The following SLC41A3 variants were observed in gnomAD, a reference collection of about 807,000 sequenced individuals.
SLC41A3 encodes the protein SLC41A1-like 2.
Under a neutral mutation model 45.4 loss-of-function variants are expected in SLC41A3, and 44 were observed. The observed-to-expected ratio is 0.97, with a 90% CI of 0.76 to 1.25. SLC41A3 has a LOEUF of 1.25. SLC41A3 is among the 50% of genes most tolerant of loss of function. SLC41A3 has a pLI of 0.00. For synonymous variants in SLC41A3, 256 were observed against 252.4 expected, an observed-to-expected ratio of 1.01 and a Z score of -0.13; for missense variants, 550 against 600.6, an observed-to-expected ratio of 0.92 and a Z score of 0.88.
At chr3:126,086,498 CTGTGTGTGTGTG>C (rs57609698), upstream of SLC41A3, among the ~76,000 whole-genome samples, 13 of 133,194 alleles carry the variant, frequency 9.8e-5, no homozygotes, top group Admixed American at 4.8e-4. Context: ...GCTATAGGAT[CTGTGTGTGTGTG>C]TGTGTGTGTG....
intron 6 of SLC41A3, 100 bp from the exon 7 acceptor site, chr3:126,016,975 T>C (rs1940364410): frequency 7.1e-7 from 1 of 1,415,024 alleles, no homozygotes. Context: ...AGGACGCTCC[T>C]GTCCTCATCA....
intron 2 of SLC41A3, among the ~76,000 whole-genome samples, chr3:126,059,311 G>GAAAAGAAAGAAAGA (rs1576331873): frequency 5.2e-4 from 42 of 81,164 alleles, no homozygotes; most frequent in Non-Finnish European, 8.3e-4. Flanking sequence ...AGAAAGAAAG[G>GAAAAGAAAGAAAGA]AAGGATGATC....
In SLC41A3 at chr3:126,050,715, A is replaced by G. The variant is rs78732280; in HGVS notation, c.381+228T>C. Among the ~76,000 whole-genome samples, 49 of 72,810 alleles carry G rather than the reference A, an allele frequency of 6.7e-4. No individual in the cohort carries two copies. The South Asian group carries it at 0.02, about 30-fold the overall frequency. The allele number at this position is 72,810 out of a possible 152,430, so 47.8% of individuals were successfully genotyped here. On this transcript the variant is annotated intron_variant, in intron 3 of 10. Coordinates refer to ENST00000360370, the MANE Select transcript of SLC41A3 (RefSeq NM_017836.4). ...CTGACATTTAGGTCAAAGGAGGAAC[A>G]GGGGCAAACAGGGTTGTGCACATCC... is the stretch of plus-strand genomic sequence containing the variant.
chr3:126,075,468 C>G (rs1944838103), intron 1 of SLC41A3, among the ~76,000 whole-genome samples: 1 of 143,094 alleles, frequency 7.0e-6, no homozygotes, highest in Admixed American at 6.9e-5. Context: ...CTCCCTCCCT[C>G]CCTTCCTTCT....
rs115325024 is a variant in SLC41A3 at position 126,058,939 on chromosome 3, C to T, written c.274-7889G>A. 7.8e-3 allele frequency among the ~76,000 whole-genome samples: 1,184 copies of T among 152,220 alleles called. 10 individuals are homozygous for T. Among genetic ancestry groups the T allele is most frequent in the Non-Finnish European group, 0.012 (810 of 68,014 alleles). On this transcript the variant is annotated intron_variant, in intron 2 of 10. Transcript: ENST00000360370. ...GGCCAGCTGAGGCACCTCCTCTCAGCCAGAGCCTAACAGCTCTTTCCCCAG... is the reference window on the plus strand; with the variant it reads ...GGCCAGCTGAGGCACCTCCTCTCAGTCAGAGCCTAACAGCTCTTTCCCCAG...
intron 1 of SLC41A3, among the ~76,000 whole-genome samples, chr3:126,101,271 C>G (rs113905259): frequency 2.6e-5 from 4 of 152,268 alleles, no homozygotes; most frequent in Non-Finnish European, 4.4e-5. Context: ...TTGACTAGAA[C>G]TTGGTTCCAT....
chr3:126,092,108 C>A (rs1228999523), intron 1 of SLC41A3, among the ~76,000 whole-genome samples: 4 of 152,190 alleles, frequency 2.6e-5, no homozygotes, highest in Non-Finnish European at 4.4e-5. Flanking sequence ...TGGGAACAGG[C>A]CCCCCAAAAC....
At chr3:126,069,052 A>G (rs1275304335) in intron 1 of SLC41A3, among the ~76,000 whole-genome samples, 1 of 150,200 alleles carries the variant, frequency 6.7e-6, no homozygotes, top group Non-Finnish European at 1.5e-5. Flanking sequence ...ATTCCCGCAC[A>G]CTCTGGGCAT....
chr3:126,010,716 C>T (rs535694625), intron 9 of SLC41A3, among the ~76,000 whole-genome samples: 9 of 152,336 alleles, frequency 5.9e-5, no homozygotes, highest in African/African-American at 2.2e-4. Flanking sequence ...GGGGCCCCCA[C>T]CTTGTCAGTG....
At chr3:126,090,919 C>T (rs62263498) in intron 1 of SLC41A3, among the ~76,000 whole-genome samples, 8,507 of 152,230 alleles carry the variant, frequency 0.056, 269 homozygotes, top group Non-Finnish European at 0.071. Context: ...CCCTGCTTGT[C>T]ATGGAGTGAG....
chr3:126,041,327 T>A (rs535496837), intron 3 of SLC41A3, among the ~76,000 whole-genome samples: 15 of 152,266 alleles, frequency 9.9e-5, no homozygotes, highest in South Asian at 6.2e-4. Context: ...TCTATAGAGC[T>A]GAAGACAGAT....
chr3:126,095,329 A>G (rs1310893999), intron 1 of SLC41A3: 6 of 589,700 alleles, frequency 1.0e-5, no homozygotes, highest in Middle Eastern at 4.1e-4. Context: ...GAGGACCCCA[A>G]CTGTCACAAG....
intron 2 of SLC41A3, among the ~76,000 whole-genome samples, chr3:126,065,995 C>A (rs958727397): frequency 1.3e-5 from 2 of 152,160 alleles, no homozygotes; most frequent in African/African-American, 2.4e-5. Flanking sequence ...GGCCCCCGAC[C>A]CTGCCTCCTG....
At chr3:126,081,897 G>A (rs1945172320) in intron 1 of SLC41A3, among the ~76,000 whole-genome samples, 1 of 152,270 alleles carries the variant, frequency 6.6e-6, no homozygotes, top group Non-Finnish European at 1.5e-5. Context: ...CAGAGCGGCA[G>A]GTGCTGGCGC....
chr3:126,047,762 A>C (rs1429917758), intron 3 of SLC41A3, among the ~76,000 whole-genome samples: 1 of 152,224 alleles, frequency 6.6e-6, no homozygotes, highest in Admixed American at 6.5e-5. Context: ...TCAAAGACCT[A>C]AACAAAAATT....
chr3:126,018,092 T>A (rs930009765), intron 6 of SLC41A3, among the ~76,000 whole-genome samples: 4 of 152,162 alleles, frequency 2.6e-5, no homozygotes, highest in African/African-American at 9.7e-5. Flanking sequence ...CCAGCAGGTA[T>A]TACAGTCAGC....
In SLC41A3 at chr3:126,051,000, G is replaced by A. The variant is rs370437912; in HGVS notation, c.324C>T (p.Pro108=). ...EVKDLLTLVP[P]LVGLKGNLEM... Reference sequence around the variant, plus strand: ...CCAGGTTCCCCTTCAGGCCCACCAGGGGCGGCACCAATGTCAAAAGGTCTT... The same window carrying A: ...CCAGGTTCCCCTTCAGGCCCACCAGAGGCGGCACCAATGTCAAAAGGTCTT... Residue 108 remains proline (P), a synonymous_variant, in exon 3 of 11, where the codon CCC becomes CCT. Transcript: ENST00000360370. 9.3e-6 allele frequency: 15 copies of A among 1,612,566 alleles called. No individual in the cohort carries two copies. In the African/African-American group the frequency reaches 1.2e-4, roughly 13 times the overall value.
chr3:126,035,812 G>C (rs992293407), intron 3 of SLC41A3, among the ~76,000 whole-genome samples: 1 of 152,168 alleles, frequency 6.6e-6, no homozygotes, highest in East Asian at 1.9e-4. Context: ...GTTTGGTCAA[G>C]GAAGGAGTGT....
intron 1 of SLC41A3, among the ~76,000 whole-genome samples, chr3:126,093,910 G>T (rs561192424): frequency 6.6e-6 from 1 of 152,124 alleles, no homozygotes; most frequent in African/African-American, 2.4e-5. Flanking sequence ...TGGACATTTC[G>T]ATCATTTCTC....
Sources: allele counts gnomAD v4.1 joint callset (sites outside exome capture counted in the v4.1 genomes callset), GRCh38; gene constraint gnomAD v4.1.1; transcripts MANE v1.5; gene names NCBI Gene and HGNC (gene_info 2026-07-23, HGNC 2026-07-21).